CNKSR2: variants seen among roughly 807,000 people sequenced by gnomAD.
CNKSR2 encodes CNK homolog protein 2.
In CNKSR2, 14 loss-of-function variants were observed where a neutral mutation model predicts 84.4. That is an observed-to-expected ratio of 0.17 (90% CI 0.11 to 0.26). CNKSR2 has a LOEUF of 0.26. Among genes scored for constraint, CNKSR2 ranks in the 10% least tolerant of loss-of-function variants. CNKSR2 has a pLI of 1.00. For missense variants in CNKSR2, 485 were observed against 771.2 expected (o/e 0.63, Z 4.40); for synonymous variants, 275 against 277.9 (o/e 0.99, Z 0.10).
intron 1 of CNKSR2, among the ~76,000 whole-genome samples, chrX:21,382,878 G>A (rs968861959): frequency 9.0e-6 from 1 of 111,605 alleles, no homozygotes; most frequent in South Asian, 3.7e-4. Flanking sequence ...TTTTTGAAGG[G>A]CACTTGTTAA....
intron 4 of CNKSR2, among the ~76,000 whole-genome samples, chrX:21,445,494 A>G (rs2090840864): frequency 9.1e-6 from 1 of 110,451 alleles, no homozygotes; most frequent in Admixed American, 9.7e-5. Context: ...TATGCAATAA[A>G]TTATTGGTAA....
intron 20 of CNKSR2, among the ~76,000 whole-genome samples, chrX:21,634,499 T>C (rs1015604716): frequency 1.8e-5 from 2 of 111,164 alleles, no homozygotes; most frequent in Non-Finnish European, 1.9e-5. Context: ...AGGTTATTAA[T>C]AAGGCATTAA....
intron 20 of CNKSR2, among the ~76,000 whole-genome samples, chrX:21,640,842 A>G (rs1163851833): frequency 8.9e-6 from 1 of 112,610 alleles, no homozygotes; most frequent in Non-Finnish European, 1.9e-5. Context: ...CAGGTCATTC[A>G]GAAACATCCA....
chrX:21,560,142 A>G (rs1480988526), intron 11 of CNKSR2, among the ~76,000 whole-genome samples: 1 of 111,512 alleles, frequency 9.0e-6, no homozygotes, highest in Non-Finnish European at 1.9e-5. Flanking sequence ...GAATTGTTGG[A>G]GTACTGTAGG....
intron 18 of CNKSR2, among the ~76,000 whole-genome samples, chrX:21,602,327 T>C (rs1310521832): frequency 1.8e-5 from 2 of 110,972 alleles, no homozygotes; most frequent in Non-Finnish European, 3.8e-5. Flanking sequence ...TTTTTATTTT[T>C]GCTTGTTGTT....
chrX:21,469,300 A>G (rs1243967155), intron 4 of CNKSR2, among the ~76,000 whole-genome samples: 1 of 111,973 alleles, frequency 8.9e-6, no homozygotes, highest in Non-Finnish European at 1.9e-5. Flanking sequence ...CCTTTGGCAT[A>G]TGAGTCCCTC....
At chrX:21,480,226 A>G (rs1264906050) in intron 5 of CNKSR2, among the ~76,000 whole-genome samples, 3 of 111,545 alleles carry the variant, frequency 2.7e-5, no homozygotes, top group Admixed American at 9.5e-5. Context: ...TCTTACCTCC[A>G]TAAAACTACA....
intron 5 of CNKSR2, among the ~76,000 whole-genome samples, chrX:21,472,115 C>T (rs1219854884): frequency 9.0e-6 from 1 of 111,597 alleles, no homozygotes. Context: ...ACAAATTGTA[C>T]TATCTTTTTT....
At chrX:21,452,362 G>C (rs187437552) in intron 4 of CNKSR2, among the ~76,000 whole-genome samples, 1 of 111,615 alleles carries the variant, frequency 9.0e-6, no homozygotes, top group East Asian at 2.8e-4. Flanking sequence ...AAAGTAGTGG[G>C]ATTACAGGCA....
intron 1 of CNKSR2, among the ~76,000 whole-genome samples, chrX:21,410,799 T>C (rs903263956): frequency 9.1e-6 from 1 of 110,372 alleles, no homozygotes; most frequent in Non-Finnish European, 1.9e-5. Flanking sequence ...ATTGTGTGTG[T>C]GTGTGTGTGT....
chrX:21,473,341 C>G (rs2091220608), intron 5 of CNKSR2, among the ~76,000 whole-genome samples: 2 of 111,873 alleles, frequency 1.8e-5, no homozygotes, highest in Admixed American at 9.5e-5. Context: ...TGTATGTATA[C>G]TTGTATATTA....
chrX:21,630,805 A>G (rs1459708334), intron 20 of CNKSR2, among the ~76,000 whole-genome samples: 1 of 111,220 alleles, frequency 9.0e-6, no homozygotes, highest in East Asian at 2.8e-4. Context: ...AAGTAAAGCA[A>G]AAATGTTGTT....
In CNKSR2 at chrX:21,490,506, A is replaced by G. The variant is rs773530098; in HGVS notation, c.609A>G (p.Ser203=). ...GVCDHIISLS[S]DPLVSQSAHL... ...GTGACCACATCATATCCCTGTCGTC[A>G]GATCCTCTGGTTTCACAGTCTGCTC... Residue 203 remains serine (S), a synonymous_variant, in exon 6 of 22, where the codon TCA becomes TCG. Transcript: ENST00000379510. 8.3e-7 allele frequency: 1 copy of G among 1,209,231 alleles called. No individual in the cohort carries two copies. The highest frequency in any genetic ancestry group is 1.1e-6 in the Non-Finnish European group (1 of 893,412).
At chrX:21,480,895 G>T (rs1334548414) in intron 5 of CNKSR2, among the ~76,000 whole-genome samples, 1 of 111,916 alleles carries the variant, frequency 8.9e-6, no homozygotes, top group Non-Finnish European at 1.9e-5. Flanking sequence ...TAAAATATTT[G>T]ATATTTACTT....
At chrX:21,496,411 C>T (rs1025234870) in intron 6 of CNKSR2, among the ~76,000 whole-genome samples, 4 of 111,510 alleles carry the variant, frequency 3.6e-5, no homozygotes, top group Non-Finnish European at 7.5e-5. Context: ...TTGTCATAGG[C>T]AAAAACTACT....
intron 11 of CNKSR2, among the ~76,000 whole-genome samples, chrX:21,548,962 A>G (rs999501320): frequency 8.9e-6 from 1 of 112,413 alleles, no homozygotes; most frequent in Non-Finnish European, 1.9e-5. Flanking sequence ...CACAGCCAAT[A>G]TCATACTGAA....
At chrX:21,386,656 C>T (rs2089974235) in intron 1 of CNKSR2, among the ~76,000 whole-genome samples, 1 of 112,304 alleles carries the variant, frequency 8.9e-6, no homozygotes, top group African/African-American at 3.2e-5. Flanking sequence ...TTTCTCCTTG[C>T]TTTCTTTTAA....
In CNKSR2 at chrX:21,487,693, A is replaced by G. The variant is rs137895168; in HGVS notation, c.562-2766A>G. ...AGCTAAAAGATTTAATTCTGCCATT[A>G]TTTTTCTTCCTGTCAAACATAGAAT... On this transcript the variant is annotated intron_variant, in intron 5 of 21. Coordinates refer to ENST00000379510, the MANE Select transcript of CNKSR2 (RefSeq NM_014927.5). 7.1e-3 allele frequency among the ~76,000 whole-genome samples: 800 copies of G among 111,889 alleles called. 3 individuals are homozygous for G. The highest frequency in any genetic ancestry group is 0.025 in the African/African-American group (758 of 30,808).
intron 6 of CNKSR2, among the ~76,000 whole-genome samples, chrX:21,496,201 G>A (rs781311116): frequency 1.8e-5 from 2 of 111,861 alleles, no homozygotes; most frequent in East Asian, 5.6e-4. Context: ...TGCATCACAT[G>A]ACTGTATTTT....
Sources: allele counts gnomAD v4.1 joint callset (sites outside exome capture counted in the v4.1 genomes callset), GRCh38; gene constraint gnomAD v4.1.1; transcripts MANE v1.5; gene names NCBI Gene and HGNC (gene_info 2026-07-23, HGNC 2026-07-21).